Variants in PPP4R2 observed in about 807,000 individuals in gnomAD.
PPP4R2 encodes protein phosphatase 4 regulatory subunit 2, also known as serine/threonine-protein phosphatase 4 regulatory subunit 2.
PPP4R2 carries 13 observed loss-of-function variants against 47.2 expected under a neutral mutation model. The ratio of observed to expected loss-of-function variants is 0.28; its 90% confidence interval spans 0.18 to 0.44. PPP4R2 has a LOEUF of 0.44. Among genes scored for constraint, PPP4R2 ranks in the 20% least tolerant of loss-of-function variants. PPP4R2 has a pLI of 1.00. For missense variants in PPP4R2, 421 were observed against 491.2 expected (o/e 0.86, Z 1.35); for synonymous variants, 151 against 163.3 (o/e 0.92, Z 0.57).
intron 2 of PPP4R2, among the ~76,000 whole-genome samples, chr3:73,035,650 A>T (rs1433253070): frequency 6.6e-6 from 1 of 151,758 alleles, no homozygotes; most frequent in Non-Finnish European, 1.5e-5. Context: ...TTTGAGATGG[A>T]GTTTCGCTCT....
intron 2 of PPP4R2, among the ~76,000 whole-genome samples, chr3:73,024,430 G>A (rs1702018804): frequency 6.6e-6 from 1 of 152,144 alleles, no homozygotes; most frequent in South Asian, 2.1e-4. Flanking sequence ...TACCTGCGGA[G>A]AACCAAACTA....
intron 2 of PPP4R2, among the ~76,000 whole-genome samples, chr3:73,024,191 C>CAGG (rs1176497210): frequency 2.0e-5 from 3 of 151,942 alleles, no homozygotes; most frequent in Non-Finnish European, 4.4e-5. Flanking sequence ...GGGTCTGATG[C>CAGG]AGGAACATTT....
At chr3:73,013,565 G>A (rs1248765675) in intron 2 of PPP4R2, among the ~76,000 whole-genome samples, 1 of 151,940 alleles carries the variant, frequency 6.6e-6, no homozygotes, top group Non-Finnish European at 1.5e-5. Flanking sequence ...AAGTGTATGT[G>A]TGTTAATCCT....
At chr3:73,045,254 C>A (rs753370014) in intron 2 of PPP4R2, among the ~76,000 whole-genome samples, 17 of 152,136 alleles carry the variant, frequency 1.1e-4, no homozygotes, top group Non-Finnish European at 2.1e-4. Flanking sequence ...CTTCCTGTCT[C>A]GGCTTCCCAA....
Position 73,067,537 on chromosome 3 carries a change from AAAATT to A in PPP4R2, c.*1818_*1822del, listed in dbSNP as rs1277272553. On this transcript the variant is annotated 3_prime_UTR_variant, in exon 9 of 9. Transcript: ENST00000356692. The stretch of plus-strand genomic sequence containing the variant: ...GATTTACTATACCCAAGAGGGGAGA[AAAATT>A]AACCATTGTAAATTTTTAAAAAATT... 2 of 152,186 alleles carry A rather than the reference AAAATT, an allele frequency of 1.3e-5. No homozygotes were observed. The highest frequency in any genetic ancestry group is 2.9e-5 in the Non-Finnish European group (2 of 67,988). The allele number at this position is 152,186 out of a possible 1,614,324, so 9.4% of individuals were successfully genotyped here.
intron 3 of PPP4R2, among the ~76,000 whole-genome samples, chr3:73,058,044 T>C (rs1350627812): frequency 6.6e-6 from 1 of 152,184 alleles, no homozygotes; most frequent in African/African-American, 2.4e-5. Flanking sequence ...CTCATAACTT[T>C]GCTGTTCTGT....
In PPP4R2 at chr3:73,065,560, T is replaced by A; in HGVS notation, c.1092T>A (p.Ser364Arg). The A allele has an allele frequency of 6.2e-7, 1 of 1,613,106 alleles. No homozygotes were observed. Among genetic ancestry groups the A allele is most frequent in the Non-Finnish European group, 8.5e-7 (1 of 1,179,700 alleles). Residue 364 changes from serine (S) to arginine (R), a missense_variant, in exon 9 of 9, where the codon AGT (serine) becomes AGA (arginine). Ser to Arg is a moderately radical substitution (Grantham distance 110). Coordinates refer to ENST00000356692, the MANE Select transcript of PPP4R2 (RefSeq NM_174907.4). Reference sequence around the variant, plus strand: ...AAGATTTGCTACATTCTGAAGGTAGTGAAAACGAAGGCCCTGTAAGTAGTA... The same window carrying A: ...AAGATTTGCTACATTCTGAAGGTAGAGAAAACGAAGGCCCTGTAAGTAGTA... ...AEKDLLHSEG[S>R]ENEGPVSSSS... is the part of the protein sequence containing the mutation.
At chr3:73,018,465 A>ATGTTATTTAT (rs1295553516) in intron 2 of PPP4R2, among the ~76,000 whole-genome samples, 3 of 88,938 alleles carry the variant, frequency 3.4e-5, no homozygotes, top group Admixed American at 2.2e-4. Context: ...ATGTTATGTT[A>ATGTTATTTAT]GTATCCGAAA....
At chr3:73,060,444 C>T (rs1341591969) in intron 4 of PPP4R2, among the ~76,000 whole-genome samples, 8 of 152,144 alleles carry the variant, frequency 5.3e-5, no homozygotes, top group Admixed American at 1.3e-4. Context: ...AGTTAGTTTT[C>T]TCCTCTGTAA....
At chr3:73,047,970 G>A (rs1367213185) in intron 3 of PPP4R2, among the ~76,000 whole-genome samples, 2 of 152,154 alleles carry the variant, frequency 1.3e-5, no homozygotes, top group Admixed American at 1.3e-4. Context: ...TCTGTCTCCT[G>A]GGTTCAAGCA....
chr3:73,058,584 G>A (rs1319191995), intron 3 of PPP4R2, among the ~76,000 whole-genome samples: 1 of 151,778 alleles, frequency 6.6e-6, no homozygotes, highest in Non-Finnish European at 1.5e-5. Context: ...TTTTGATAGA[G>A]CCATACAATG....
chr3:73,023,535 A>G (rs1264092936), intron 2 of PPP4R2, among the ~76,000 whole-genome samples: 1 of 152,160 alleles, frequency 6.6e-6, no homozygotes, highest in Non-Finnish European at 1.5e-5. Flanking sequence ...TGAATTTGGT[A>G]TTGAGATGAG....
chr3:73,056,999 A>G (rs1051422465), intron 3 of PPP4R2, among the ~76,000 whole-genome samples: 2 of 152,126 alleles, frequency 1.3e-5, no homozygotes, highest in African/African-American at 4.8e-5. Context: ...TGTTGGTGCT[A>G]TTTTGTATAT....
At chr3:73,021,561 T>A (rs1380550300) in intron 2 of PPP4R2, among the ~76,000 whole-genome samples, 1 of 152,054 alleles carries the variant, frequency 6.6e-6, no homozygotes, top group Non-Finnish European at 1.5e-5. Context: ...GTATACCATG[T>A]GACAGGTTAG....
Position 73,067,560 on chromosome 3 carries a change from A to T in PPP4R2, c.*1838A>T, listed in dbSNP as rs1193336790. ...GAAAAATTAACCATTGTAAATTTTT[A>T]AAAAATTTTTCAAAAATGTTAAAAT... On this transcript the variant is annotated 3_prime_UTR_variant, in exon 9 of 9. Transcript: ENST00000356692. 6.6e-6 allele frequency: 1 copy of T among 152,196 alleles called. No homozygotes were observed. Among genetic ancestry groups the T allele is most frequent in the Non-Finnish European group, 1.5e-5 (1 of 67,994 alleles). The allele number at this position is 152,196 out of a possible 1,614,324, so 9.4% of individuals were successfully genotyped here.
In PPP4R2 at chr3:73,062,169, A is replaced by G. The variant is rs1446460984; in HGVS notation, c.419+1109A>G. 3 of 1,552,994 alleles carry G rather than the reference A, an allele frequency of 1.9e-6. No individual in the cohort carries two copies. The highest frequency in any genetic ancestry group is 2.6e-6 in the Non-Finnish European group (3 of 1,151,856). On this transcript the variant is annotated intron_variant, in intron 5 of 8. Transcript: ENST00000356692. ...TGACAGATCTTACAAAAGATCTTTT[A>G]GACCTATGATTCTTAACAAAATTAA...
intron 2 of PPP4R2, among the ~76,000 whole-genome samples, chr3:73,002,001 C>G (rs545776388): frequency 1.4e-5 from 2 of 146,996 alleles, no homozygotes; most frequent in South Asian, 4.3e-4. Flanking sequence ...CCTTTTATCT[C>G]TCCTGTTCCT....
At chr3:73,061,957 C>G in intron 5 of PPP4R2, 2 of 642,330 alleles carry the variant, frequency 3.1e-6, no homozygotes, top group Non-Finnish European at 5.3e-6. Flanking sequence ...GACAGAAAAA[C>G]TATTAAAATG....
chr3:73,063,745 G>A lies in PPP4R2; in HGVS notation c.492G>A (p.Glu164=), dbSNP rs1218938149. The A allele has an allele frequency of 5.8e-6, 9 of 1,556,574 alleles. No individual in the cohort carries two copies. Among genetic ancestry groups the A allele is most frequent in the Non-Finnish European group, 1.8e-6 (2 of 1,134,266 alleles). ...CTGGAAATTCACCAAGCTATACTGA[G>A]AGGTGAGATTCTAGATTTTTAATAC... ...MFPGNSPSYT[E]RSNINGPGTP... The change falls in exon 6 of 9, where the codon GAG becomes GAA. Residue 164 remains glutamate, a splice_region_variant and synonymous_variant. Transcript: ENST00000356692.
Sources: gnomAD v4.1 joint callset for allele counts (sites outside exome capture counted in the v4.1 genomes callset) on GRCh38, gnomAD v4.1.1 for gene constraint, MANE v1.5 for transcripts, NCBI Gene and HGNC (gene_info 2026-07-23, HGNC 2026-07-21) for gene names.